Variants in KCNQ1 observed in about 807,000 individuals in gnomAD.
KCNQ1 encodes potassium voltage-gated channel subfamily Q member 1, also known as potassium voltage-gated channel subfamily KQT member 1.
KCNQ1 carries 49 observed loss-of-function variants against 72.4 expected under a neutral mutation model. The ratio of observed to expected loss-of-function variants is 0.68; its 90% CI spans 0.54 to 0.86. The LOEUF (loss-of-function observed/expected upper bound fraction) is 0.86. KCNQ1 is among the 40% of genes least tolerant of loss of function. The pLI is 0.00. For missense variants in KCNQ1, 790 were observed against 945.1 expected (o/e 0.84, Z 2.15); for synonymous variants, 450 against 412.6 (o/e 1.09, Z -1.10).
rs1035786619 is a variant in KCNQ1, at chr11:2,752,319, T to C, written c.1515-16525T>C. On this transcript the variant is annotated intron_variant, in intron 11 of 15. Transcript: ENST00000155840. This position sits in a 1 kb window ranked among gnomAD's most constrained non-coding sequence, Gnocchi z 5.2. ...TTCCATGGAGCTGATCTGAACCCAG[T>C]TGAGTGGCTTCCATGAAGCTGATCC... 1.3e-5 allele frequency among the ~76,000 whole-genome samples: 2 copies of C among 151,294 alleles called. No homozygotes were observed. Among genetic ancestry groups the C allele is most frequent in the Admixed American group, 6.6e-5 (1 of 15,146 alleles).
chr11:2,779,229 G>A (rs917842436), intron 15 of KCNQ1, among the ~76,000 whole-genome samples: 1 of 152,244 alleles, frequency 6.6e-6, no homozygotes, highest in East Asian at 1.9e-4. Context: ...TCAGCTCACA[G>A]GATTGGCAAG....
At position 2,725,988 on chromosome 11, in the gene KCNQ1, G is replaced by A. The variant is rs1215739334; in HGVS notation, c.1515-42856G>A. Among the ~76,000 whole-genome samples the A allele has an allele frequency of 6.6e-6, 1 of 152,250 alleles. No homozygotes were observed. The highest frequency in any genetic ancestry group is 2.4e-5 in the African/African-American group (1 of 41,466). ...TGATAAGGCCTCGCCAAGAAAAACA[G>A]CAGGCTAAAGACCCCTGATTTCTTC... On this transcript the variant is annotated intron_variant, in intron 11 of 15. Transcript: ENST00000155840. This position sits in a 1 kb window ranked among gnomAD's most constrained non-coding sequence, Gnocchi z 7.2.
chr11:2,489,648 G>A (rs1256217100), intron 1 of KCNQ1, among the ~76,000 whole-genome samples: 1 of 152,208 alleles, frequency 6.6e-6, no homozygotes, highest in Non-Finnish European at 1.5e-5. Flanking sequence ...AGATGGAGCA[G>A]TAAAGAGAAC....
chr11:2,473,571 G>A lies in KCNQ1; in HGVS notation c.386+28087G>A, dbSNP rs535446437. ...GGACAGCGCTCAGCATGGCACAGAC[G>A]CTCAGCCGTGTCATGTGGCTTGTAG... On this transcript the variant is annotated intron_variant, in intron 1 of 15. Coordinates refer to ENST00000155840, the MANE Select transcript of KCNQ1 (RefSeq NM_000218.3). The surrounding 1 kb of genome is among the most constrained non-coding windows in gnomAD (Gnocchi z 6.0). 4.6e-5 allele frequency among the ~76,000 whole-genome samples: 7 copies of A among 152,336 alleles called. No homozygotes were observed. In the South Asian group the frequency reaches 1.5e-3, roughly 32 times the overall value.
At chr11:2,798,130 C>T (rs1345091553) in intron 15 of KCNQ1, among the ~76,000 whole-genome samples, 1 of 135,168 alleles carries the variant, frequency 7.4e-6, no homozygotes, top group African/African-American at 2.7e-5. Flanking sequence ...CCTCAGTGCC[C>T]CCACTTGTGG....
rs553305059 is a variant in KCNQ1, at chr11:2,558,630, G to A, written c.478-11998G>A. On this transcript the variant is annotated intron_variant, in intron 2 of 15. Transcript: ENST00000155840. ...TGGGGGAGGAAGTGGGCCGCGCTTC[G>A]GGAACCCCCACCCCGCCGGCTTGCG... is the stretch of plus-strand genomic sequence containing the variant. 5.9e-5 allele frequency among the ~76,000 whole-genome samples: 9 copies of A among 152,318 alleles called. No homozygotes were observed. The South Asian group carries it at 6.2e-4, about 11-fold the overall frequency.
chr11:2,587,457 A>G (rs1848607441), intron 8 of KCNQ1, 113 bp from the exon 9 acceptor site: 5 of 1,482,662 alleles, frequency 3.4e-6, no homozygotes, highest in Non-Finnish European at 4.6e-6. Flanking sequence ...AGACCCTGCC[A>G]CCCAGAGGGG....
chr11:2,686,919 A>C, intron 11 of KCNQ1: 2 of 398,714 alleles, frequency 5.0e-6, no homozygotes, highest in Non-Finnish European at 8.8e-6. Context: ...ATCCAGGTCC[A>C]TGCAGGTCTC....
intron 11 of KCNQ1, among the ~76,000 whole-genome samples, chr11:2,737,089 C>G (rs1223606322): frequency 1.3e-5 from 2 of 152,196 alleles, no homozygotes; most frequent in Non-Finnish European, 2.9e-5. Flanking sequence ...AGAAGAGATC[C>G]CAGCGGGAAG....
intron 11 of KCNQ1, among the ~76,000 whole-genome samples, chr11:2,719,836 G>A (rs149986089): frequency 1.1e-4 from 16 of 152,364 alleles, no homozygotes; most frequent in Admixed American, 5.2e-4. Context: ...CAGCCCTGAT[G>A]TAGCTGTGGC....
intron 11 of KCNQ1, chr11:2,680,635 A>G (rs1850380643): frequency 5.0e-6 from 2 of 398,588 alleles, no homozygotes; most frequent in African/African-American, 4.1e-5. Context: ...TATTCTGACC[A>G]GGATATTGCA....
rs546002815 is a variant in KCNQ1 at position 2,457,199 on chromosome 11, G to A, written c.386+11715G>A. On this transcript the variant is annotated intron_variant, in intron 1 of 15. Transcript: ENST00000155840. This position sits in a 1 kb window ranked among gnomAD's most constrained non-coding sequence, Gnocchi z 5.0. ...GGGGAACACTTACACCCTGTTGACG[G>A]GAGTGTAAATGAGTCCAGCCACCAT... Among the ~76,000 whole-genome samples, 3 of 152,250 alleles carry A rather than the reference G, an allele frequency of 2.0e-5. No homozygotes were observed. Among genetic ancestry groups the A allele is most frequent in the Admixed American group, 1.3e-4 (2 of 15,286 alleles).
chr11:2,451,205 G>T lies in KCNQ1; in HGVS notation c.386+5721G>T, dbSNP rs1846114901. On this transcript the variant is annotated intron_variant, in intron 1 of 15. Coordinates refer to ENST00000155840, the MANE Select transcript of KCNQ1 (RefSeq NM_000218.3). This position sits in a 1 kb window ranked among gnomAD's most constrained non-coding sequence, Gnocchi z 6.4. The stretch of plus-strand genomic sequence containing the variant: ...ATGGAAGAAAGATTTTTCCACCCGG[G>T]CAGTGGTGATCTTGGGATGAAACTG... Among the ~76,000 whole-genome samples the T allele has an allele frequency of 6.6e-6, 1 of 152,172 alleles. No homozygotes were observed. Among genetic ancestry groups the T allele is most frequent in the African/African-American group, 2.4e-5 (1 of 41,428 alleles).
In KCNQ1 at chr11:2,473,609, C is replaced by T. The variant is rs749530463; in HGVS notation, c.386+28125C>T. 3.9e-5 allele frequency among the ~76,000 whole-genome samples: 6 copies of T among 152,128 alleles called. No individual in the cohort carries two copies. The highest frequency in any genetic ancestry group is 5.9e-5 in the Non-Finnish European group (4 of 68,012). ...ATGTGGCTTGTAGAGCGAGGGTGTG[C>T]GGCCGGCATCATCCTCAGGGAACTC... On this transcript the variant is annotated intron_variant, in intron 1 of 15. Transcript: ENST00000155840. This position sits in a 1 kb window ranked among gnomAD's most constrained non-coding sequence, Gnocchi z 6.0.
rs1851001410 is a variant in KCNQ1, at chr11:2,711,333, T to C, written c.1514+49252T>C. 2.6e-5 allele frequency among the ~76,000 whole-genome samples: 4 copies of C among 152,194 alleles called. No individual in the cohort carries two copies. The highest frequency in any genetic ancestry group is 5.9e-5 in the Non-Finnish European group (4 of 68,024). Reference sequence around the variant, plus strand: ...TCATGGCCCCTTTCAGGCCCTTGGCTTCTGGTAATGCTTCTTTGTGGTCTC... The same window carrying C: ...TCATGGCCCCTTTCAGGCCCTTGGCCTCTGGTAATGCTTCTTTGTGGTCTC... On this transcript the variant is annotated intron_variant, in intron 11 of 15. Transcript: ENST00000155840. The surrounding 1 kb of genome is among the most constrained non-coding windows in gnomAD (Gnocchi z 5.4).
intron 11 of KCNQ1, among the ~76,000 whole-genome samples, chr11:2,727,227 GC>G (rs2133936655): frequency 6.6e-6 from 1 of 152,330 alleles, no homozygotes; most frequent in Admixed American, 6.5e-5. Context: ...GGACAAGGAG[GC>G]AGCTTGGGGG....
At chr11:2,630,350 A>G in intron 10 of KCNQ1, 1 of 398,238 alleles carries the variant, frequency 2.5e-6, no homozygotes, top group East Asian at 3.6e-5. Flanking sequence ...ATAGTCATAA[A>G]AAAATATCAG....
chr11:2,811,262 C>T (rs182905495), intron 15 of KCNQ1, among the ~76,000 whole-genome samples: 2 of 152,340 alleles, frequency 1.3e-5, no homozygotes, highest in African/African-American at 2.4e-5. Context: ...GGCTCATTGT[C>T]CCTGTTACAA....
Position 2,565,267 on chromosome 11 carries a change from C to T in KCNQ1, c.478-5361C>T, listed in dbSNP as rs74048689. On this transcript the variant is annotated intron_variant, in intron 2 of 15. Transcript: ENST00000155840. The surrounding 1 kb of genome is among the most constrained non-coding windows in gnomAD (Gnocchi z 5.6). ...GCAGCACACAAGGTCCCAACTTCTC[C>T]GGATCCTTGGGAGCACTTGTCACTC... Among the ~76,000 whole-genome samples the T allele has an allele frequency of 1.1e-4, 17 of 152,236 alleles. No homozygotes were observed. The highest frequency in any genetic ancestry group is 3.9e-4 in the African/African-American group (16 of 41,544).
Sources: gnomAD v4.1 joint callset for allele counts (sites outside exome capture counted in the v4.1 genomes callset) on GRCh38, gnomAD v4.1.1 for gene constraint, Gnocchi (gnomAD v3.1) non-coding constraint, MANE v1.5 for transcripts, NCBI Gene and HGNC (gene_info 2026-07-23, HGNC 2026-07-21) for gene names.